Variants in ASB14 observed in about 807,000 individuals in gnomAD.
ASB14 encodes ankyrin repeat and SOCS box containing 14.
In ASB14, 63 loss-of-function variants were observed where a neutral mutation model predicts 55.6. That is an observed-to-expected ratio of 1.13 (90% CI 0.92 to 1.40). The LOEUF is 1.40. Among genes scored for constraint, ASB14 ranks in the 40% most tolerant of loss-of-function variants. ASB14 has a pLI of 0.00. For synonymous variants in ASB14, 256 were observed against 259.9 expected, an observed-to-expected ratio of 0.98 and a Z score of 0.15; for missense variants, 724 against 710.4, an observed-to-expected ratio of 1.02 and a Z score of -0.22.
At chr3:57,285,288 A>C (rs760693037) in intron 5 of ASB14, among the ~76,000 whole-genome samples, 23 of 152,108 alleles carry the variant, frequency 1.5e-4, no homozygotes, top group Non-Finnish European at 2.8e-4. Context: ...TACAGAACTT[A>C]AAGAGCCAAT....
chr3:57,288,708 C>CTTTT (rs747854434), intron 3 of ASB14, among the ~76,000 whole-genome samples: 22,052 of 101,856 alleles, frequency 0.22, 3,437 homozygotes, highest in East Asian at 0.72. Flanking sequence ...CATATCTTTC[C>CTTTT]TTTTTTTTTT....
In ASB14 at chr3:57,269,385, A is replaced by G; in HGVS notation, c.*256T>C. 2 of 639,638 alleles carry G rather than the reference A, an allele frequency of 3.1e-6. No homozygotes were observed. Among genetic ancestry groups the G allele is most frequent in the South Asian group, 3.2e-5 (1 of 31,214 alleles). 39.6% of individuals were successfully genotyped at this position (639,638 alleles called of 1,614,324 possible). On this transcript the variant is annotated 3_prime_UTR_variant, in exon 11 of 11. Transcript: ENST00000487349. The stretch of plus-strand genomic sequence containing the variant: ...GTGCCAAAATTCATTTTGGTGTTGT[A>G]TTGTTTGGGTGTAGCTTTTCTTTTT...
chr3:57,287,642 C>CT (rs1317861929), intron 5 of ASB14, among the ~76,000 whole-genome samples: 2 of 152,160 alleles, frequency 1.3e-5, no homozygotes, highest in Non-Finnish European at 2.9e-5. Context: ...CTGCTCCCCT[C>CT]TGATTTTTTG....
chr3:57,292,214 C>A, intron 1 of ASB14, 110 bp from the exon 2 acceptor site: 1 of 814,240 alleles, frequency 1.2e-6, no homozygotes, highest in Non-Finnish European at 1.7e-6. Flanking sequence ...TTTCTATAAA[C>A]TTAAAAAAGT....
intron 8 of ASB14, 22 bp from the exon 9 acceptor site, chr3:57,277,942 T>G: frequency 6.3e-7 from 1 of 1,599,894 alleles, no homozygotes. Flanking sequence ...AAAATCAGAA[T>G]TAGGAAAGTA....
chr3:57,280,514 C>T, intron 6 of ASB14, 41 bp from the exon 7 acceptor site: 4 of 1,508,202 alleles, frequency 2.7e-6, no homozygotes, highest in Non-Finnish European at 2.7e-6. Context: ...AAATTATTTT[C>T]CACTGTATTT....
intron 7 of ASB14, among the ~76,000 whole-genome samples, chr3:57,279,266 T>TTTTC (rs2061017071): frequency 2.8e-3 from 21 of 7,372 alleles, no homozygotes; most frequent in African/African-American, 4.7e-3. Flanking sequence ...GAGTTTTTCT[T>TTTTC]TTTTTTTTTT....
intron 8 of ASB14, 134 bp from the exon 9 acceptor site, chr3:57,278,054 G>A: frequency 4.0e-6 from 3 of 756,022 alleles, no homozygotes; most frequent in Non-Finnish European, 6.4e-6. Context: ...GGAAGGGATG[G>A]TAGTGGTCAA....
intron 10 of ASB14, 125 bp from the exon 11 acceptor site, chr3:57,269,743 T>C (rs2060923071): frequency 1.3e-6 from 2 of 1,569,214 alleles, no homozygotes; most frequent in African/African-American, 2.7e-5. Context: ...TATGGTGAAA[T>C]GGCAGAAGGT....
At chr3:57,285,621 A>G (rs1311635776) in intron 5 of ASB14, among the ~76,000 whole-genome samples, 2 of 152,148 alleles carry the variant, frequency 1.3e-5, no homozygotes, top group African/African-American at 4.8e-5. Flanking sequence ...CCTTTTATGC[A>G]CATCTTTTTG....
chr3:57,269,713 C>G (rs777738318), intron 10 of ASB14, 95 bp from the exon 11 acceptor site: 7 of 1,609,846 alleles, frequency 4.3e-6, no homozygotes, highest in African/African-American at 1.3e-5. Context: ...AGATATTCCC[C>G]CTTGGAATTT....
intron 2 of ASB14, 150 bp downstream of exon 2, chr3:57,291,762 G>T: frequency 1.7e-6 from 1 of 583,596 alleles, no homozygotes; most frequent in Non-Finnish European, 2.7e-6. Flanking sequence ...TTCCTGTCTA[G>T]TTAGGCATAA....
chr3:57,278,287 T>C, intron 8 of ASB14, 90 bp downstream of exon 8: 2 of 1,013,622 alleles, frequency 2.0e-6, no homozygotes, highest in South Asian at 3.3e-5. Flanking sequence ...ACCAAGCCTC[T>C]GGAGAGAGTG....
chr3:57,283,267 C>G lies in ASB14; in HGVS notation c.642G>C (p.Thr214=). The change falls in exon 6 of 11, where the codon ACG becomes ACC. Residue 214 remains threonine (T), a synonymous_variant. Transcript: ENST00000487349. Reference sequence around the variant, plus strand: ...CAAGAGCAAGAGGAGTGAATCCATACGTGCTCTGTGGGTCAGGGTGTGCCC... The same window carrying G: ...CAAGAGCAAGAGGAGTGAATCCATAGGTGCTCTGTGGGTCAGGGTGTGCCC... ...VSGAHPDPQS[T]YGFTPLALAA... 6.4e-7 allele frequency: 1 copy of G among 1,552,040 alleles called. No individual in the cohort carries two copies. Among genetic ancestry groups the G allele is most frequent in the Non-Finnish European group, 8.7e-7 (1 of 1,147,046 alleles).
chr3:57,278,284 C>G (rs1047529946), intron 8 of ASB14, 93 bp downstream of exon 8: 17 of 973,586 alleles, frequency 1.7e-5, no homozygotes, highest in Non-Finnish European at 2.3e-5. Context: ...TCAACCAAGC[C>G]TCTGGAGAGA....
chr3:57,278,207 ATCTT>A (rs2061006407), intron 8 of ASB14, among the ~76,000 whole-genome samples, 166 bp downstream of exon 8: 1 of 152,154 alleles, frequency 6.6e-6, no homozygotes, highest in Non-Finnish European at 1.5e-5. Context: ...TTCCTGTTGT[ATCTT>A]TCTACTATTG....
intron 2 of ASB14, among the ~76,000 whole-genome samples, chr3:57,291,168 T>A (rs1300801128): frequency 6.6e-6 from 1 of 152,234 alleles, no homozygotes; most frequent in Non-Finnish European, 1.5e-5. Context: ...AAAAATACTA[T>A]ATAGGTTTGA....
At chr3:57,273,488 C>CTTTA (rs898707690) in intron 10 of ASB14, 3 of 152,312 alleles carry the variant, frequency 2.0e-5, no homozygotes, top group African/African-American at 7.3e-5. Flanking sequence ...ATACTCTGAA[C>CTTTA]TTTATTTCTC....
chr3:57,277,004 G>A (rs1579421785), intron 9 of ASB14, among the ~76,000 whole-genome samples: 1 of 152,294 alleles, frequency 6.6e-6, no homozygotes, highest in Non-Finnish European at 1.5e-5. Flanking sequence ...GGTGGCTCAT[G>A]CCTGTAATCC....
Sources: gnomAD v4.1 joint callset for allele counts (sites outside exome capture counted in the v4.1 genomes callset) on GRCh38, gnomAD v4.1.1 for gene constraint, MANE v1.5 for transcripts, NCBI Gene and HGNC (gene_info 2026-07-23, HGNC 2026-07-21) for gene names.